The following FBXW8 variants were observed in gnomAD, a reference collection of about 807,000 sequenced individuals.
FBXW8 encodes the protein F-box and WD repeat domain containing 8, also known as F-box/WD repeat-containing protein 8.
In FBXW8, 57 loss-of-function variants were observed where a neutral mutation model predicts 65.3. That is an observed-to-expected ratio of 0.87 (90% CI 0.71 to 1.09). The LOEUF (loss-of-function observed/expected upper bound fraction) is 1.09. Ranked by LOEUF, FBXW8 falls within the 50% of genes least tolerant of loss-of-function variation. The pLI is 0.00. For synonymous variants in FBXW8, 308 were observed against 330.2 expected (o/e 0.93, Z 0.73); for missense variants, 777 against 814.8 (o/e 0.95, Z 0.57).
At chr12:116,915,680 T>G (rs1880352302) in intron 1 of FBXW8, among the ~76,000 whole-genome samples, 1 of 121,626 alleles carries the variant, frequency 8.2e-6, no homozygotes. Context: ...GGAGATAGAG[T>G]CTTACCCTGT....
intron 6 of FBXW8, chr12:116,986,269 C>CT (rs1416739440): frequency 1.3e-5 from 2 of 152,188 alleles, no homozygotes; most frequent in Non-Finnish European, 2.9e-5. Context: ...AGCGTCTGCA[C>CT]TTTGAGTATA....
rs575752045 is a variant in FBXW8 at position 116,949,622 on chromosome 12, G to T, written c.593G>T (p.Arg198Leu). The change falls in exon 4 of 11, where the codon CGC (arginine) becomes CTC (leucine). Residue 198 changes from arginine (R) to leucine (L), a missense_variant. Coordinates refer to ENST00000652555, the MANE Select transcript of FBXW8 (RefSeq NM_153348.3). ...ATCCCCCTTTTCCTCACGCAGAATC[G>T]CAAAGGTGCCGTGAGCGAGCTGGAG... The part of the protein sequence containing the change: ...EHMLRTNWKN[R>L]KGAVSELEHV... 8 of 1,614,010 alleles carry T rather than the reference G, an allele frequency of 5.0e-6. No individual in the cohort carries two copies. The highest frequency in any genetic ancestry group is 1.1e-5 in the South Asian group (1 of 91,082).
chr12:117,009,385 C>T (rs1466601430), intron 7 of FBXW8, among the ~76,000 whole-genome samples: 2 of 152,100 alleles, frequency 1.3e-5, no homozygotes, highest in African/African-American at 4.8e-5. Context: ...GAGCAAGACC[C>T]TGTTCCCCCA....
At position 116,961,676 on chromosome 12, in the gene FBXW8, G is replaced by A. The variant is rs147443590; in HGVS notation, c.678-3021G>A. On this transcript the variant is annotated intron_variant, in intron 4 of 10. Coordinates refer to ENST00000652555, the MANE Select transcript of FBXW8 (RefSeq NM_153348.3). The surrounding 1 kb of genome is among the most constrained non-coding windows in gnomAD (Gnocchi z 4.4). The stretch of plus-strand genomic sequence containing the variant: ...GAACAAAACCCAGACCCTGAGCTCA[G>A]AAGCTTCAGGCTGGTAGGGAGATGA... 1.6e-4 allele frequency among the ~76,000 whole-genome samples: 25 copies of A among 152,318 alleles called. No homozygotes were observed. In the East Asian group the frequency reaches 4.8e-3, roughly 29 times the overall value.
At chr12:116,990,441 T>C (rs1335295143) in intron 7 of FBXW8, among the ~76,000 whole-genome samples, 1 of 152,154 alleles carries the variant, frequency 6.6e-6, no homozygotes, top group Non-Finnish European at 1.5e-5. Context: ...CTAAAAAAAC[T>C]TTCTTTTCCC....
chr12:116,925,505 A>G (rs4238049), intron 1 of FBXW8, among the ~76,000 whole-genome samples: 152,088 of 152,340 alleles, frequency 1, 75,919 homozygotes, highest in Middle Eastern at 1. Flanking sequence ...TTCTTAAGAT[A>G]TGGACCTTCC....
intron 4 of FBXW8, among the ~76,000 whole-genome samples, chr12:116,962,709 T>G (rs1884061508): frequency 6.6e-6 from 1 of 152,250 alleles, no homozygotes; most frequent in South Asian, 2.1e-4. Flanking sequence ...TCATCTTTCC[T>G]GAATTGGCTG....
chr12:117,015,867 G>GC (rs1297927771), intron 8 of FBXW8, among the ~76,000 whole-genome samples: 1 of 152,130 alleles, frequency 6.6e-6, no homozygotes, highest in Non-Finnish European at 1.5e-5. Flanking sequence ...CCAGCTTTAA[G>GC]CAACCACTCA....
chr12:116,937,329 A>G (rs557692293), intron 2 of FBXW8, among the ~76,000 whole-genome samples: 26 of 152,258 alleles, frequency 1.7e-4, no homozygotes, highest in African/African-American at 6.3e-4. Context: ...AGGCCAGGAG[A>G]CAAATGAGAA....
chr12:116,948,338 C>G (rs1487328041), intron 3 of FBXW8, among the ~76,000 whole-genome samples: 1 of 152,172 alleles, frequency 6.6e-6, no homozygotes, highest in African/African-American at 2.4e-5. Flanking sequence ...CAGATCCTTG[C>G]CTTCCCTCCC....
chr12:116,980,034 G>T (rs114920560), intron 5 of FBXW8, among the ~76,000 whole-genome samples: 3 of 152,118 alleles, frequency 2.0e-5, no homozygotes, highest in African/African-American at 7.2e-5. Context: ...TGGGGCCCCA[G>T]TTCTTGGGGG....
At chr12:117,024,631 G>C (rs190372350) in intron 9 of FBXW8, among the ~76,000 whole-genome samples, 1 of 152,310 alleles carries the variant, frequency 6.6e-6, no homozygotes, top group East Asian at 1.9e-4. Flanking sequence ...GTGCTATTCT[G>C]ATTATTTTAG....
At chr12:116,990,031 T>C (rs1474591319) in intron 7 of FBXW8, among the ~76,000 whole-genome samples, 1 of 152,212 alleles carries the variant, frequency 6.6e-6, no homozygotes, top group African/African-American at 2.4e-5. Flanking sequence ...TGGTGCCTAT[T>C]TTTACATCTT....
chr12:117,015,801 C>A (rs981888338), intron 8 of FBXW8, among the ~76,000 whole-genome samples: 6 of 152,178 alleles, frequency 3.9e-5, no homozygotes, highest in African/African-American at 1.4e-4. Flanking sequence ...AACATTTTCA[C>A]CCCAAATAGA....
chr12:116,922,480 A>G (rs1438236937), intron 1 of FBXW8, among the ~76,000 whole-genome samples: 2 of 152,326 alleles, frequency 1.3e-5, no homozygotes, highest in Non-Finnish European at 1.5e-5. Flanking sequence ...GAGATCTTTC[A>G]TGTCCTCTTT....
At chr12:116,972,769 TTAAATA>T (rs748743429) in intron 5 of FBXW8, among the ~76,000 whole-genome samples, 5 of 152,184 alleles carry the variant, frequency 3.3e-5, no homozygotes, top group Non-Finnish European at 7.4e-5. Context: ...ATTTATGGTG[TTAAATA>T]TAGATAGAGA....
chr12:117,017,874 T>A (rs1437220431), intron 8 of FBXW8, among the ~76,000 whole-genome samples: 1 of 152,060 alleles, frequency 6.6e-6, no homozygotes, highest in Non-Finnish European at 1.5e-5. Context: ...ACGCCCTGAG[T>A]TGTGACCCCC....
At chr12:117,025,026 C>G (rs1954191647) in intron 9 of FBXW8, among the ~76,000 whole-genome samples, 1 of 152,170 alleles carries the variant, frequency 6.6e-6, no homozygotes, top group Admixed American at 6.5e-5. Flanking sequence ...TGCTTCTGAC[C>G]TTCAAAGCAG....
chr12:116,965,578 C>A (rs1884266287), intron 5 of FBXW8, among the ~76,000 whole-genome samples: 1 of 152,090 alleles, frequency 6.6e-6, no homozygotes, highest in Admixed American at 6.5e-5. Flanking sequence ...CCCACTTGCC[C>A]AAAAGTTGGG....
Sources: gnomAD v4.1 joint callset for allele counts (sites outside exome capture counted in the v4.1 genomes callset) on GRCh38, gnomAD v4.1.1 for gene constraint, Gnocchi (gnomAD v3.1) non-coding constraint, MANE v1.5 for transcripts, NCBI Gene and HGNC (gene_info 2026-07-23, HGNC 2026-07-21) for gene names.